RAB38: variants seen among roughly 807,000 people sequenced by gnomAD.
RAB38 encodes RAB38, member RAS oncogene family, also known as ras-related protein Rab-38.
A neutral mutation model predicts 18.4 loss-of-function variants in RAB38; 15 were observed. That is an observed-to-expected ratio of 0.82 (90% CI 0.55 to 1.26). The LOEUF is 1.26. Among genes scored for constraint, RAB38 ranks in the 50% most tolerant of loss-of-function variants. The pLI, the probability that RAB38 is intolerant of heterozygous loss-of-function variation, is 0.00. For synonymous variants in RAB38, 101 were observed against 104.4 expected (o/e 0.97, Z 0.20); for missense variants, 294 against 267.4 (o/e 1.10, Z -0.69).
the RAB38 span, among the ~76,000 whole-genome samples, chr11:87,881,253 C>G: frequency 6.6e-6 from 1 of 151,838 alleles, no homozygotes; most frequent in Non-Finnish European, 1.5e-5. Flanking sequence ...ACTGCCCCTG[C>G]TGCCCTCATG....
At chr11:88,125,662 C>T (rs564532856) in intron 2 of RAB38, among the ~76,000 whole-genome samples, 3 of 152,098 alleles carry the variant, frequency 2.0e-5, no homozygotes, top group African/African-American at 2.4e-5. Context: ...CCATTCTGTA[C>T]GTTGCCTGTT....
At chr11:87,864,426 A>G in the RAB38 span, among the ~76,000 whole-genome samples, 3 of 151,444 alleles carry the variant, frequency 2.0e-5, no homozygotes, top group East Asian at 5.8e-4. Context: ...TAGCAGTAGT[A>G]GTAGCAGTAT....
the RAB38 span, among the ~76,000 whole-genome samples, chr11:88,015,793 G>A: frequency 6.6e-6 from 1 of 152,138 alleles, no homozygotes; most frequent in Non-Finnish European, 1.5e-5. Context: ...GAAGAAAAAT[G>A]TTTCCAGTTG....
the RAB38 span, among the ~76,000 whole-genome samples, chr11:87,930,028 T>G: frequency 6.6e-6 from 1 of 152,180 alleles, no homozygotes; most frequent in East Asian, 1.9e-4. Flanking sequence ...TAAACATACG[T>G]GTGCACGTGT....
At chr11:87,960,943 T>C in the RAB38 span, among the ~76,000 whole-genome samples, 1 of 152,116 alleles carries the variant, frequency 6.6e-6, no homozygotes, top group Non-Finnish European at 1.5e-5. Flanking sequence ...AAATTACTCA[T>C]GTTAAGAAGG....
chr11:88,033,456 A>AT, the RAB38 span, among the ~76,000 whole-genome samples: 1 of 152,124 alleles, frequency 6.6e-6, no homozygotes, highest in Admixed American at 6.5e-5. Flanking sequence ...GATTCCTGGT[A>AT]TAAAACCCAA....
chr11:87,951,914 C>G, the RAB38 span, among the ~76,000 whole-genome samples: 3 of 152,292 alleles, frequency 2.0e-5, no homozygotes, highest in South Asian at 2.1e-4. Flanking sequence ...AACCACTACT[C>G]TCTTCAAAGC....
chr11:88,087,539 C>T, the RAB38 span, among the ~76,000 whole-genome samples: 1 of 151,914 alleles, frequency 6.6e-6, no homozygotes, highest in African/African-American at 2.4e-5. Flanking sequence ...AATGGCACTG[C>T]TCCTTGAGAA....
At chr11:87,856,757 C>T in the RAB38 span, among the ~76,000 whole-genome samples, 349 of 152,018 alleles carry the variant, frequency 2.3e-3, 1 homozygote, top group East Asian at 0.014. Context: ...GGGATACATG[C>T]GCAGAATGTG....
chr11:88,138,865 C>T (rs182506175), intron 2 of RAB38, among the ~76,000 whole-genome samples: 92 of 151,974 alleles, frequency 6.1e-4, no homozygotes, highest in African/African-American at 2.1e-3. Flanking sequence ...TCCCTGCAAG[C>T]TCCGCCTCCT....
the RAB38 span, among the ~76,000 whole-genome samples, chr11:88,006,923 G>T: frequency 2.4e-4 from 37 of 151,468 alleles, no homozygotes; most frequent in Admixed American, 2.3e-3. Context: ...CGAAAAATAA[G>T]TTCTGTCAGT....
At chr11:87,880,952 C>G in the RAB38 span, among the ~76,000 whole-genome samples, 1 of 151,794 alleles carries the variant, frequency 6.6e-6, no homozygotes, top group African/African-American at 2.4e-5. Flanking sequence ...TCAACTAGTG[C>G]TGAGTGCTAT....
the RAB38 span, among the ~76,000 whole-genome samples, chr11:88,029,666 A>C: frequency 6.6e-6 from 1 of 152,178 alleles, no homozygotes; most frequent in Non-Finnish European, 1.5e-5. Flanking sequence ...CATCAATTCA[A>C]CAAGAAGAGG....
intron 2 of RAB38, among the ~76,000 whole-genome samples, chr11:88,119,109 TCTC>T (rs1268401918): frequency 6.6e-6 from 1 of 152,088 alleles, no homozygotes; most frequent in Non-Finnish European, 1.5e-5. Context: ...AATTATAACT[TCTC>T]AATCCTGGCT....
chr11:88,046,911 C>T, the RAB38 span, among the ~76,000 whole-genome samples: 1 of 152,164 alleles, frequency 6.6e-6, no homozygotes, highest in Non-Finnish European at 1.5e-5. Flanking sequence ...CCCAACACTT[C>T]ATTACCCACA....
At chr11:87,958,308 T>C in the RAB38 span, among the ~76,000 whole-genome samples, 51 of 152,308 alleles carry the variant, frequency 3.3e-4, no homozygotes, top group African/African-American at 1.2e-3. Context: ...ATGCATTTCT[T>C]AGCTACATAT....
the RAB38 span, among the ~76,000 whole-genome samples, chr11:88,017,083 T>A: frequency 6.6e-6 from 1 of 151,752 alleles, no homozygotes; most frequent in Non-Finnish European, 1.5e-5. Flanking sequence ...AACTTCGAAT[T>A]TGAAGGAGGA....
the RAB38 span, among the ~76,000 whole-genome samples, chr11:88,017,288 T>A: frequency 1.3e-5 from 2 of 152,088 alleles, no homozygotes; most frequent in South Asian, 4.2e-4. Context: ...TACTTTTCAG[T>A]GGAGAAAATC....
At chr11:87,935,245 AG>A in the RAB38 span, among the ~76,000 whole-genome samples, 218 of 152,170 alleles carry the variant, frequency 1.4e-3, 2 homozygotes, top group African/African-American at 4.8e-3. Context: ...CCTTATTTTG[AG>A]GGGGCTCTTC....
Sources: gnomAD v4.1 joint callset for allele counts (sites outside exome capture counted in the v4.1 genomes callset) on GRCh38, gnomAD v4.1.1 for gene constraint, MANE v1.5 for transcripts, NCBI Gene and HGNC (gene_info 2026-07-23, HGNC 2026-07-21) for gene names.